The following IL1RAPL2 variants were observed in gnomAD, a reference collection of about 807,000 sequenced individuals.
The protein encoded by IL1RAPL2 is interleukin 1 receptor accessory protein like 2, also known as X-linked interleukin-1 receptor accessory protein-like 2.
IL1RAPL2 carries 3 observed loss-of-function variants against 44.1 expected under a neutral mutation model. The observed-to-expected ratio is 0.07, with a 90% CI of 0.03 to 0.18. The LOEUF (loss-of-function observed/expected upper bound fraction) is 0.18, where lower values mean the gene tolerates loss of function less well. IL1RAPL2 is among the 10% of genes least tolerant of loss of function. The pLI, the probability that IL1RAPL2 is intolerant of heterozygous loss-of-function variation, is 1.00. For synonymous variants in IL1RAPL2, 181 were observed against 178.8 expected (o/e 1.01, Z -0.10); for missense variants, 391 against 496.4 (o/e 0.79, Z 2.02).
intron 5 of IL1RAPL2, among the ~76,000 whole-genome samples, chrX:105,464,703 A>G (rs888648748): frequency 8.0e-5 from 9 of 111,901 alleles, no homozygotes; most frequent in Non-Finnish European, 1.1e-4. Context: ...ATTTAATCAC[A>G]AATGTTAGTT....
intron 6 of IL1RAPL2, among the ~76,000 whole-genome samples, chrX:105,633,963 A>G (rs1053178261): frequency 9.1e-6 from 1 of 110,478 alleles, no homozygotes; most frequent in Admixed American, 9.7e-5. Context: ...CCTAGATTTC[A>G]CTCTAAGAAT....
chrX:105,165,582 A>T (rs566065322), intron 2 of IL1RAPL2, among the ~76,000 whole-genome samples: 2 of 112,061 alleles, frequency 1.8e-5, no homozygotes, highest in Non-Finnish European at 3.8e-5. Flanking sequence ...AGATCCTTCA[A>T]TGGCTCCACA....
intron 6 of IL1RAPL2, among the ~76,000 whole-genome samples, chrX:105,509,304 G>A (rs754666871): frequency 3.1e-3 from 343 of 111,820 alleles, no homozygotes; most frequent in Non-Finnish European, 4.6e-3. Flanking sequence ...ACTAGGGTAG[G>A]AATGAGCCAA....
chrX:104,926,171 C>T (rs1924767055), intron 2 of IL1RAPL2, among the ~76,000 whole-genome samples: 1 of 111,720 alleles, frequency 9.0e-6, no homozygotes, highest in African/African-American at 3.2e-5. Context: ...ATGCTCTGGT[C>T]ACTACCCTGA....
intron 2 of IL1RAPL2, among the ~76,000 whole-genome samples, chrX:104,949,706 A>C (rs1298296881): frequency 9.0e-6 from 1 of 110,652 alleles, no homozygotes; most frequent in East Asian, 2.8e-4. Flanking sequence ...CAGGTTGTTC[A>C]GTTTCCATGT....
At chrX:104,601,058 C>G (rs1396149440) in intron 1 of IL1RAPL2, among the ~76,000 whole-genome samples, 1 of 111,079 alleles carries the variant, frequency 9.0e-6, no homozygotes, top group East Asian at 2.8e-4. Context: ...GTAAATAACC[C>G]ATTATTTATT....
intron 2 of IL1RAPL2, among the ~76,000 whole-genome samples, chrX:104,920,940 C>T (rs770599083): frequency 2.8e-4 from 31 of 110,952 alleles, no homozygotes; most frequent in Non-Finnish European, 4.9e-4. Flanking sequence ...TGACAGAAGA[C>T]ACCCTGGTTG....
intron 2 of IL1RAPL2, among the ~76,000 whole-genome samples, chrX:104,684,750 A>T (rs1365480410): frequency 8.9e-6 from 1 of 112,453 alleles, no homozygotes; most frequent in East Asian, 2.8e-4. Context: ...GGCATGGCAG[A>T]GACACTCACC....
chrX:105,275,596 G>A (rs189678755), intron 5 of IL1RAPL2, among the ~76,000 whole-genome samples: 18 of 111,858 alleles, frequency 1.6e-4, no homozygotes, highest in African/African-American at 5.5e-4. Context: ...TTGGCTGAGT[G>A]CTTATTTGAT....
chrX:104,797,577 T>C (rs1932858593), intron 2 of IL1RAPL2, among the ~76,000 whole-genome samples: 1 of 112,034 alleles, frequency 8.9e-6, no homozygotes, highest in Non-Finnish European at 1.9e-5. Context: ...TTGTTTAATC[T>C]AGCATTTCAT....
intron 6 of IL1RAPL2, among the ~76,000 whole-genome samples, chrX:105,707,893 C>T (rs1346941055): frequency 1.8e-5 from 2 of 110,746 alleles, no homozygotes; most frequent in South Asian, 3.9e-4. Context: ...TTCATGGTAT[C>T]GGTGGCACTT....
At chrX:104,898,214 A>C (rs1397632606) in intron 2 of IL1RAPL2, among the ~76,000 whole-genome samples, 2 of 111,801 alleles carry the variant, frequency 1.8e-5, no homozygotes, top group African/African-American at 6.5e-5. Context: ...TCTTGAACAG[A>C]TCTTTAGGAG....
At chrX:104,817,738 C>T (rs1921174786) in intron 2 of IL1RAPL2, among the ~76,000 whole-genome samples, 1 of 111,568 alleles carries the variant, frequency 9.0e-6, no homozygotes, top group Non-Finnish European at 1.9e-5. Flanking sequence ...ACCTCAAAGC[C>T]TTGGTATGAA....
At chrX:104,906,409 T>A (rs1281242079) in intron 2 of IL1RAPL2, among the ~76,000 whole-genome samples, 1 of 111,218 alleles carries the variant, frequency 9.0e-6, no homozygotes, top group Non-Finnish European at 1.9e-5. Flanking sequence ...GCTTCCAGTT[T>A]TTGCCCATTC....
chrX:105,325,605 G>A (rs2034932319), intron 5 of IL1RAPL2, among the ~76,000 whole-genome samples: 2 of 99,059 alleles, frequency 2.0e-5, no homozygotes, highest in African/African-American at 4.0e-5. Context: ...ATGTGGAAAT[G>A]CTAGGTAATA....
At chrX:105,230,370 C>G (rs991875825) in intron 3 of IL1RAPL2, among the ~76,000 whole-genome samples, 8 of 110,228 alleles carry the variant, frequency 7.3e-5, no homozygotes, top group Non-Finnish European at 1.5e-4. Context: ...TTTTAACCCA[C>G]TGCTGCCAGT....
At chrX:105,409,225 C>T (rs2035674164) in intron 5 of IL1RAPL2, among the ~76,000 whole-genome samples, 1 of 103,826 alleles carries the variant, frequency 9.6e-6, no homozygotes, top group Admixed American at 9.8e-5. Flanking sequence ...TTTTCCAAAC[C>T]TATGCCTCCA....
chrX:105,431,258 G>A (rs910122049), intron 5 of IL1RAPL2, among the ~76,000 whole-genome samples: 16 of 112,132 alleles, frequency 1.4e-4, no homozygotes, highest in South Asian at 3.6e-4. Context: ...TACAGAGAGC[G>A]AATACGGTCT....
intron 2 of IL1RAPL2, among the ~76,000 whole-genome samples, chrX:104,738,764 A>T (rs1680461972): frequency 1.8e-5 from 2 of 110,597 alleles, no homozygotes; most frequent in South Asian, 7.8e-4. Context: ...ACGTGGTGAG[A>T]CCCTACCTCT....
Sources: gnomAD v4.1 joint callset for allele counts (sites outside exome capture counted in the v4.1 genomes callset) on GRCh38, gnomAD v4.1.1 for gene constraint, MANE v1.5 for transcripts, NCBI Gene and HGNC (gene_info 2026-07-23, HGNC 2026-07-21) for gene names.